Variants in PARP6 observed in about 807,000 individuals in gnomAD.
The protein encoded by PARP6 is poly(ADP-ribose) polymerase family member 6, also known as protein mono-ADP-ribosyltransferase PARP6.
PARP6 carries 27 observed loss-of-function variants against 92.0 expected under a neutral mutation model. That is an observed-to-expected ratio of 0.29 (90% CI 0.22 to 0.40). The LOEUF is 0.40. Ranked by LOEUF, PARP6 falls within the 10% of genes least tolerant of loss-of-function variation. The pLI is 1.00. For missense variants in PARP6, 501 were observed against 784.5 expected (o/e 0.64, Z 4.32); for synonymous variants, 272 against 281.2 (o/e 0.97, Z 0.33).
At chr15:72,258,155 G>C in intron 11 of PARP6, 23 bp from the exon 12 acceptor site, 3 of 1,560,088 alleles carry the variant, frequency 1.9e-6, no homozygotes, top group Non-Finnish European at 8.8e-7. Flanking sequence ...CAGATTCTAA[G>C]TCTTTTGGAA....
In PARP6 at chr15:72,259,534, CTGGGAGGTGTTAGGAGACCAAA is replaced by C. The variant is rs1320579361; in HGVS notation, c.810+52_810+73del. 5.3e-6 allele frequency: 6 copies of C among 1,141,384 alleles called. No individual in the cohort carries two copies. The East Asian group carries it at 1.4e-4, about 27-fold the overall frequency. 70.7% of individuals were successfully genotyped at this position (1,141,384 alleles called of 1,614,324 possible). On this transcript the variant is annotated intron_variant, in intron 11 of 23. Coordinates refer to ENST00000569795, the MANE Select transcript of PARP6 (RefSeq NM_001323532.2). ...ATTCAGAAAGTATTTGATTGAGGAGCTGGGAGGTGTTAGGAGACCAAATGGGTCAGACAACAGGGAAGGGCTT... is the reference window on the plus strand; with the variant it reads ...ATTCAGAAAGTATTTGATTGAGGAGCTGGGTCAGACAACAGGGAAGGGCTT...
At chr15:72,248,343 T>C (rs1359391875) in intron 20 of PARP6, among the ~76,000 whole-genome samples, 1 of 152,062 alleles carries the variant, frequency 6.6e-6, no homozygotes, top group Non-Finnish European at 1.5e-5. Flanking sequence ...GGCACTTTCT[T>C]TTTTCTTTTT....
chr15:72,251,043 G>T, intron 17 of PARP6, 89 bp from the exon 18 acceptor site: 1 of 1,074,782 alleles, frequency 9.3e-7, no homozygotes, highest in Non-Finnish European at 1.4e-6. Context: ...AAAAAATCAG[G>T]CTTGCATTAA....
At chr15:72,261,935 C>T (rs574980104) in intron 8 of PARP6, among the ~76,000 whole-genome samples, 21 of 152,264 alleles carry the variant, frequency 1.4e-4, no homozygotes, top group Non-Finnish European at 2.6e-4. Context: ...CAGAAAAATT[C>T]AGAGATGCGT....
At chr15:72,264,685 C>A in intron 7 of PARP6, 64 bp from the exon 8 acceptor site, 3 of 1,255,726 alleles carry the variant, frequency 2.4e-6, no homozygotes, top group South Asian at 2.4e-5. Context: ...GTCCAAAGCT[C>A]AGTGGAATAG....
chr15:72,266,674 T>C (rs1257025917), intron 4 of PARP6, 71 bp downstream of exon 4: 2 of 1,100,910 alleles, frequency 1.8e-6, no homozygotes, highest in Non-Finnish European at 2.8e-6. Context: ...CCTCTTTCAC[T>C]CCTGATGTAT....
At position 72,254,082 on chromosome 15, in the gene PARP6, G is replaced by A. The variant is rs754413405; in HGVS notation, c.1191+373C>T. On this transcript the variant is annotated intron_variant, in intron 15 of 23. Coordinates refer to ENST00000569795, the MANE Select transcript of PARP6 (RefSeq NM_001323532.2). ...TGGCTGCCCCACCCCTAGAAGGATA[G>A]AAGATGTAGGCCCCTGTGTCTAGTT... The A allele has an allele frequency of 2.1e-4, 101 of 471,464 alleles. 1 individual carries two copies. Among genetic ancestry groups the A allele is most frequent in the South Asian group, 1.6e-3 (101 of 64,686 alleles). 29.2% of individuals were successfully genotyped at this position (471,464 alleles called of 1,614,324 possible). A position where few individuals can be genotyped will look rare whatever the true frequency, so the allele number is the denominator to read the frequency against.
chr15:72,261,712 G>A lies in PARP6; in HGVS notation c.396-5C>T, dbSNP rs1284368586. On this transcript the variant is annotated splice_region_variant and splice_polypyrimidine_tract_variant and intron_variant, in intron 8 of 23. Transcript: ENST00000569795. Reference sequence around the variant, plus strand: ...GATGTAAACATACCCAGGATCCTGAGGGATCAAAAAGAATGAGCTTAGGCA... The same window carrying A: ...GATGTAAACATACCCAGGATCCTGAAGGATCAAAAAGAATGAGCTTAGGCA... 1 of 1,613,656 alleles carries A rather than the reference G, an allele frequency of 6.2e-7. No individual in the cohort carries two copies. Among genetic ancestry groups the A allele is most frequent in the East Asian group, 2.2e-5 (1 of 44,868 alleles).
chr15:72,241,859 C>A lies in PARP6; in HGVS notation c.1790+42G>T, dbSNP rs777488275. 4 of 1,413,828 alleles carry A rather than the reference C, an allele frequency of 2.8e-6. No homozygotes were observed. The South Asian group carries it at 3.4e-5, about 12-fold the overall frequency. The allele number at this position is 1,413,828 out of a possible 1,614,324, so 87.6% of individuals were successfully genotyped here. On this transcript the variant is annotated intron_variant, in intron 23 of 23. Coordinates refer to ENST00000569795, the MANE Select transcript of PARP6 (RefSeq NM_001323532.2). The surrounding 1 kb of genome is among the most constrained non-coding windows in gnomAD (Gnocchi z 4.1). ...TAGCCACACACCATCACACCCCCAA[C>A]CTCACTCCTCGAGTAATCCCCAGAG...
intron 3 of PARP6, 197 bp from the exon 4 acceptor site, chr15:72,267,019 A>C: frequency 1.8e-6 from 1 of 561,940 alleles, no homozygotes; most frequent in South Asian, 2.2e-5. Flanking sequence ...ATATCCATAA[A>C]CTAGCTCTTA....
rs2083170674 is a variant in PARP6 at position 72,242,524 on chromosome 15, C to A, written c.1641+96G>T. 1.2e-6 allele frequency: 1 copy of A among 866,196 alleles called. No homozygotes were observed. The highest frequency in any genetic ancestry group is 2.4e-5 in the East Asian group (1 of 41,562). 53.7% of individuals were successfully genotyped at this position (866,196 alleles called of 1,614,324 possible). A position where few individuals can be genotyped will look rare whatever the true frequency, so the allele number is the denominator to read the frequency against. On this transcript the variant is annotated intron_variant, in intron 21 of 23. Coordinates refer to ENST00000569795, the MANE Select transcript of PARP6 (RefSeq NM_001323532.2). This position sits in a 1 kb window ranked among gnomAD's most constrained non-coding sequence, Gnocchi z 4.3. ...CTCCTTTAAATGATCTCAAATCACT[C>A]CCCAACCCATTCTCACCCCACTGTT...
At chr15:72,251,022 G>A (rs950254020) in intron 17 of PARP6, 68 bp from the exon 18 acceptor site, 2 of 1,206,926 alleles carry the variant, frequency 1.7e-6, no homozygotes, top group African/African-American at 1.5e-5. Flanking sequence ...GGGAAGGGTT[G>A]GGGATAGGGG....
rs2087454689 is a variant in PARP6, at chr15:72,271,671, G to A, written c.-459-384C>T. On this transcript the variant is annotated intron_variant, in intron 1 of 23. Transcript: ENST00000569795. ...GGTCCTAATTACATCTAATCTTCAT[G>A]TGATGTGGTTATAATTAATTGAGTT... is the stretch of plus-strand genomic sequence containing the variant. Among the ~76,000 whole-genome samples the A allele has an allele frequency of 3.9e-5, 6 of 152,328 alleles. No homozygotes were observed. The South Asian group carries it at 1.2e-3, about 32-fold the overall frequency.
At chr15:72,250,798 T>TGCC in intron 18 of PARP6, 47 bp downstream of exon 18, 1 of 918,744 alleles carries the variant, frequency 1.1e-6, no homozygotes. Context: ...TTCTTGCTCA[T>TGCC]CCCCGCCCCC....
intron 8 of PARP6, among the ~76,000 whole-genome samples, chr15:72,264,187 A>G (rs2086263794): frequency 6.6e-6 from 1 of 152,166 alleles, no homozygotes; most frequent in South Asian, 2.1e-4. Flanking sequence ...ATTTCTTTGC[A>G]TACCAAATAC....
Position 72,242,060 on chromosome 15 carries a change from C to T in PARP6, c.1706-75G>A. 3 of 1,448,656 alleles carry T rather than the reference C, an allele frequency of 2.1e-6. No individual in the cohort carries two copies. In the South Asian group the frequency reaches 3.4e-5, roughly 17 times the overall value. The allele number at this position is 1,448,656 out of a possible 1,614,324, so 89.7% of individuals were successfully genotyped here. A position where few individuals can be genotyped will look rare whatever the true frequency, so the allele number is the denominator to read the frequency against. ...GTCCAGGCAGGAGAAGGAAGCCATG[C>T]CACTTCAACATCACTCTTGGCCAGA... On this transcript the variant is annotated intron_variant, in intron 22 of 23. Transcript: ENST00000569795. The surrounding 1 kb of genome is among the most constrained non-coding windows in gnomAD (Gnocchi z 4.3).
At chr15:72,252,993 A>T (rs1312829929) in intron 16 of PARP6, among the ~76,000 whole-genome samples, 2 of 151,914 alleles carry the variant, frequency 1.3e-5, no homozygotes, top group Non-Finnish European at 2.9e-5. Flanking sequence ...TGGCTTGGGC[A>T]ACATAGGGAG....
chr15:72,248,670 A>T (rs2083932661), intron 20 of PARP6, among the ~76,000 whole-genome samples: 1 of 152,230 alleles, frequency 6.6e-6, no homozygotes, highest in African/African-American at 2.4e-5. Context: ...AGACTGAGAG[A>T]ACTCTAAATC....
chr15:72,250,852 C>A lies in PARP6; in HGVS notation c.1411G>T (p.Ala471Ser). 6.2e-7 allele frequency: 1 copy of A among 1,603,060 alleles called. No homozygotes were observed. The highest frequency in any genetic ancestry group is 1.7e-5 in the Admixed American group (1 of 59,780). The change falls in exon 18 of 24, where the codon GCC (alanine) becomes TCC (serine). Residue 471 changes from alanine (A) to serine (S), a missense_variant. This residue lies in a region of PARP6 where 191 missense variants were observed against 399.1 expected (regional missense o/e 0.48). Transcript: ENST00000569795. ...AGCCCCCAGCCTCCTCACTGGAAGGCAAAGGTGCTGCCATAGAGCTTCTTG... is the reference window on the plus strand; with the variant it reads ...AGCCCCCAGCCTCCTCACTGGAAGGAAAAGGTGCTGCCATAGAGCTTCTTG... ...TAKKLYGSTFAFHGSHIENWH... is the reference protein window; with the variant it reads ...TAKKLYGSTFSFHGSHIENWH...
Sources: gnomAD v4.1 joint callset for allele counts (sites outside exome capture counted in the v4.1 genomes callset) on GRCh38, gnomAD v4.1.1 for gene constraint, gnomAD v4.1.1 regional missense constraint, Gnocchi (gnomAD v3.1) non-coding constraint, MANE v1.5 for transcripts, NCBI Gene and HGNC (gene_info 2026-07-23, HGNC 2026-07-21) for gene names.